ARHGEF12: variants seen among roughly 807,000 people sequenced by gnomAD.
The protein encoded by ARHGEF12 is Rho guanine nucleotide exchange factor 12.
In ARHGEF12, 66 loss-of-function variants were observed where a neutral mutation model predicts 211.2. The ratio of observed to expected loss-of-function variants is 0.31; its 90% CI spans 0.26 to 0.38. The LOEUF (loss-of-function observed/expected upper bound fraction) is 0.38, where lower values mean the gene tolerates loss of function less well. Among genes scored for constraint, ARHGEF12 ranks in the 10% least tolerant of loss-of-function variants. The pLI is 1.00. For missense variants in ARHGEF12, 1,429 were observed against 1,869.5 expected, an observed-to-expected ratio of 0.76 and a Z score of 4.34; for synonymous variants, 592 against 638.4, an observed-to-expected ratio of 0.93 and a Z score of 1.09.
At chr11:120,472,406 A>T (rs1037610848) in intron 30 of ARHGEF12, among the ~76,000 whole-genome samples, 1 of 152,188 alleles carries the variant, frequency 6.6e-6, no homozygotes, top group Non-Finnish European at 1.5e-5. Context: ...GGGTGGGGCA[A>T]TAGGACAAGG....
chr11:120,473,059 G>A lies in ARHGEF12; in HGVS notation c.2965G>A (p.Asp989Asn). ...KEAENKQRLEDYQRRLDTSSL... is the reference protein window; with the variant it reads ...KEAENKQRLENYQRRLDTSSL... ...CCTGCCTAATTTTCAGCGCCTAGAA[G>A]ATTATCAGCGTCGCCTTGATACCTC... The change falls in exon 31 of 41, where the codon GAT becomes AAT. Residue 989 changes from aspartate to asparagine, a missense_variant. By Grantham distance (23) the Asp-to-Asn change is conservative. This residue lies in a region of ARHGEF12 where 223 missense variants were observed against 444.6 expected (regional missense o/e 0.50). Coordinates refer to ENST00000397843, the MANE Select transcript of ARHGEF12 (RefSeq NM_015313.3). The A allele has an allele frequency of 6.2e-7, 1 of 1,613,638 alleles. No individual in the cohort carries two copies. The highest frequency in any genetic ancestry group is 8.5e-7 in the Non-Finnish European group (1 of 1,179,732).
intron 19 of ARHGEF12, 133 bp downstream of exon 19, chr11:120,448,039 A>G: frequency 1.2e-6 from 1 of 815,522 alleles, no homozygotes; most frequent in South Asian, 1.9e-5. Flanking sequence ...GGTGGCTTGT[A>G]TGTTATTTGA....
At chr11:120,379,018 G>A (rs1424841725) in intron 1 of ARHGEF12, among the ~76,000 whole-genome samples, 1 of 152,104 alleles carries the variant, frequency 6.6e-6, no homozygotes, top group South Asian at 2.1e-4. Context: ...TTTTGTGGTT[G>A]TGTTGAATCT....
At position 120,445,532 on chromosome 11, in the gene ARHGEF12, C is replaced by G. The variant is rs1201735381; in HGVS notation, c.1345+68C>G. On this transcript the variant is annotated intron_variant, in intron 16 of 40. Coordinates refer to ENST00000397843, the MANE Select transcript of ARHGEF12 (RefSeq NM_015313.3). ...AGATATGTAGCTCAGCTCATCTGTT[C>G]AGGTTTTATCTGTCACATGGTGACT... 2.7e-6 allele frequency: 4 copies of G among 1,460,604 alleles called. No individual in the cohort carries two copies. In the East Asian group the frequency reaches 6.8e-5, roughly 25 times the overall value. 90.5% of individuals were successfully genotyped at this position (1,460,604 alleles called of 1,614,324 possible). A position where few individuals can be genotyped will look rare whatever the true frequency, so the allele number is the denominator to read the frequency against.
intron 14 of ARHGEF12, 110 bp from the exon 15 acceptor site, chr11:120,441,994 T>C: frequency 1.2e-6 from 1 of 857,842 alleles, no homozygotes; most frequent in Non-Finnish European, 1.8e-6. Context: ...AATAACTACA[T>C]TGTTTATGGT....
At chr11:120,337,694 T>G (rs879494847) in intron 1 of ARHGEF12, 1 of 985,418 alleles carries the variant, frequency 1.0e-6, no homozygotes, top group Non-Finnish European at 1.2e-6. Flanking sequence ...TTTTAGGAAT[T>G]TCTACCTGTG....
At chr11:120,408,361 C>T (rs1237000415) in intron 3 of ARHGEF12, 1 of 152,156 alleles carries the variant, frequency 6.6e-6, no homozygotes, top group Non-Finnish European at 1.5e-5. Context: ...TAAGCAGTGT[C>T]GATCTTTCCT....
intron 1 of ARHGEF12, among the ~76,000 whole-genome samples, chr11:120,394,615 A>G (rs115012207): frequency 0.013 from 1,972 of 152,134 alleles, 50 homozygotes; most frequent in African/African-American, 0.046. Flanking sequence ...ACAGTAGCGA[A>G]CATTAACCCC....
At chr11:120,354,112 G>C (rs984325669) in intron 1 of ARHGEF12, among the ~76,000 whole-genome samples, 3 of 152,178 alleles carry the variant, frequency 2.0e-5, no homozygotes, top group Non-Finnish European at 4.4e-5. Context: ...GAGATGCCTA[G>C]AGACCCTGGC....
chr11:120,464,875 G>A (rs749432877), intron 27 of ARHGEF12: 6 of 173,790 alleles, frequency 3.5e-5, no homozygotes, highest in Non-Finnish European at 7.3e-5. Flanking sequence ...GGGTGTGGTG[G>A]TGTGTGCCTG....
intron 28 of ARHGEF12, among the ~76,000 whole-genome samples, chr11:120,466,543 A>G (rs1301291682): frequency 6.6e-6 from 1 of 152,212 alleles, no homozygotes; most frequent in East Asian, 1.9e-4. Flanking sequence ...CATTGTAATC[A>G]CAGATTCCAA....
Position 120,474,590 on chromosome 11 carries a change from C to G in ARHGEF12, c.3064C>G (p.His1022Asp). The change falls in exon 32 of 41, where the codon CAT becomes GAT. Residue 1022 changes from histidine to aspartate, a missense_variant. By Grantham distance (81) the His-to-Asp change is moderately conservative (BLOSUM62 -1). Transcript: ENST00000397843. Reference sequence around the variant, plus strand: ...GGATTTAACAAAAAGGAAGATGATTCATGAAGGGCCATTGGTTTGGAAGGT... The same window carrying G: ...GGATTTAACAAAAAGGAAGATGATTGATGAAGGGCCATTGGTTTGGAAGGT... ...NLDLTKRKMI[H>D]EGPLVWKVNR... 6.2e-7 allele frequency: 1 copy of G among 1,611,842 alleles called. No homozygotes were observed. Among genetic ancestry groups the G allele is most frequent in the Non-Finnish European group, 8.5e-7 (1 of 1,179,470 alleles).
intron 3 of ARHGEF12, chr11:120,409,148 ACTATT>A (rs1292751611): frequency 8.4e-6 from 4 of 478,548 alleles, no homozygotes; most frequent in African/African-American, 7.8e-5. Flanking sequence ...TATTTTGTAT[ACTATT>A]CATGTGTTGT....
chr11:120,445,079 A>G (rs1401966349), intron 15 of ARHGEF12, among the ~76,000 whole-genome samples: 1 of 152,158 alleles, frequency 6.6e-6, no homozygotes, highest in African/African-American at 2.4e-5. Flanking sequence ...TTTTACCTAT[A>G]TTGATCTAAA....
chr11:120,471,713 C>T (rs369755331), intron 30 of ARHGEF12, among the ~76,000 whole-genome samples: 206 of 152,144 alleles, frequency 1.4e-3, no homozygotes, highest in African/African-American at 4.8e-3. Context: ...ATAAGATGGA[C>T]TGATGGATAG....
intron 27 of ARHGEF12, among the ~76,000 whole-genome samples, chr11:120,461,184 A>G (rs1946517487): frequency 6.6e-6 from 1 of 152,180 alleles, no homozygotes; most frequent in Non-Finnish European, 1.5e-5. Flanking sequence ...TTCAGAAGGT[A>G]TTCAGTTTGC....
At chr11:120,456,956 T>C (rs907867011) in intron 22 of ARHGEF12, 162 bp from the exon 23 acceptor site, 27 of 596,562 alleles carry the variant, frequency 4.5e-5, no homozygotes, top group Non-Finnish European at 6.5e-5. Flanking sequence ...TGAGATGCCA[T>C]AATTTTGTAT....
intron 14 of ARHGEF12, 97 bp from the exon 15 acceptor site, chr11:120,442,007 C>T (rs1330059117): frequency 1.1e-6 from 1 of 896,348 alleles, no homozygotes; most frequent in Non-Finnish European, 1.7e-6. Context: ...TTTATGGTGA[C>T]CTACCTGTTC....
chr11:120,342,982 C>T (rs750572589), intron 1 of ARHGEF12, among the ~76,000 whole-genome samples: 21 of 151,940 alleles, frequency 1.4e-4, no homozygotes, highest in Non-Finnish European at 2.2e-4. Context: ...AAACATTCCT[C>T]GATGTTTGGT....
Sources: gnomAD v4.1 joint callset for allele counts (sites outside exome capture counted in the v4.1 genomes callset) on GRCh38, gnomAD v4.1.1 for gene constraint, gnomAD v4.1.1 regional missense constraint, MANE v1.5 for transcripts, NCBI Gene and HGNC (gene_info 2026-07-23, HGNC 2026-07-21) for gene names.